GALNT17: variants seen among roughly 807,000 people sequenced by gnomAD.
The protein encoded by GALNT17 is UDP-GalNAc:polypeptide N-acetylgalactosaminyltransferase-like 3.
In GALNT17, 29 loss-of-function variants were observed where a neutral mutation model predicts 63.7. The ratio of observed to expected loss-of-function variants is 0.46; its 90% CI spans 0.34 to 0.62. The LOEUF (loss-of-function observed/expected upper bound fraction) is 0.62, where lower values mean the gene tolerates loss of function less well. GALNT17 is among the 20% of genes least tolerant of loss of function. The pLI, the probability that GALNT17 is intolerant of heterozygous loss-of-function variation, is 0.01. For synonymous variants in GALNT17, 305 were observed against 318.3 expected, an observed-to-expected ratio of 0.96 and a Z score of 0.45; for missense variants, 603 against 799.6, an observed-to-expected ratio of 0.75 and a Z score of 2.97.
At chr7:71,395,447 G>T (rs911496489) in intron 3 of GALNT17, among the ~76,000 whole-genome samples, 1 of 152,108 alleles carries the variant, frequency 6.6e-6, no homozygotes, top group African/African-American at 2.4e-5. Flanking sequence ...AATATTCTGA[G>T]TATAGATACA....
chr7:71,679,482 CCACTGTAA>C (rs1217659067), intron 9 of GALNT17, among the ~76,000 whole-genome samples: 1 of 152,190 alleles, frequency 6.6e-6, no homozygotes, highest in African/African-American at 2.4e-5. Context: ...ATGCTAGGCA[CCACTGTAA>C]CACAGGCAGC....
intron 5 of GALNT17, among the ~76,000 whole-genome samples, chr7:71,556,431 G>A (rs2116843210): frequency 6.6e-6 from 1 of 152,292 alleles, no homozygotes; most frequent in East Asian, 1.9e-4. Context: ...TGCAGATCCA[G>A]CCAACGGTTC....
chr7:71,489,665 C>T (rs1787973959), intron 5 of GALNT17, among the ~76,000 whole-genome samples: 2 of 152,238 alleles, frequency 1.3e-5, no homozygotes, highest in African/African-American at 4.8e-5. Context: ...TGGGATTTTA[C>T]TAGAGGCTTA....
chr7:71,571,409 G>A lies in GALNT17; in HGVS notation c.1080+7G>A, dbSNP rs753214526. The A allele has an allele frequency of 1.2e-6, 2 of 1,610,188 alleles. No homozygotes were observed. The highest frequency in any genetic ancestry group is 2.2e-5 in the East Asian group (1 of 44,836). On this transcript the variant is annotated splice_region_variant and intron_variant, in intron 6 of 10. Transcript: ENST00000333538. Reference sequence around the variant, plus strand: ...TATTGAACTGGGAATCAAGGTTTGTGACATGGTGTCCCTTCCTCTTGGTGT... The same window carrying A: ...TATTGAACTGGGAATCAAGGTTTGTAACATGGTGTCCCTTCCTCTTGGTGT...
chr7:71,621,791 G>A lies in GALNT17; in HGVS notation c.1081-43620G>A, dbSNP rs113679044. ...TTGATGCACCCTTTAATTCTTCATC[G>A]AAGGGTTCCCTTGGCCTCTCTTCCA... On this transcript the variant is annotated intron_variant, in intron 6 of 10. Coordinates refer to ENST00000333538, the MANE Select transcript of GALNT17 (RefSeq NM_022479.3). Among the ~76,000 whole-genome samples, 809 of 152,106 alleles carry A rather than the reference G, an allele frequency of 5.3e-3. 14 individuals carry two copies. Among genetic ancestry groups the A allele is most frequent in the African/African-American group, 0.018 (739 of 41,502 alleles).
intron 1 of GALNT17, among the ~76,000 whole-genome samples, chr7:71,202,742 G>A (rs28454261): frequency 0.027 from 4,054 of 152,100 alleles, 181 homozygotes; most frequent in African/African-American, 0.091. Context: ...TATCCCTCCC[G>A]TCAAACCGAA....
At chr7:71,287,088 TC>T (rs1477510625) in intron 1 of GALNT17, among the ~76,000 whole-genome samples, 13 of 151,674 alleles carry the variant, frequency 8.6e-5, no homozygotes, top group African/African-American at 3.2e-4. Context: ...GCTTTTAAGT[TC>T]CTTTTTGTTT....
At chr7:71,463,810 A>G (rs1787491591) in intron 5 of GALNT17, among the ~76,000 whole-genome samples, 3 of 152,222 alleles carry the variant, frequency 2.0e-5, no homozygotes, top group African/African-American at 7.2e-5. Flanking sequence ...TATAGTTAGC[A>G]TATAATGAGC....
At chr7:71,602,541 T>C (rs1205592294) in intron 6 of GALNT17, among the ~76,000 whole-genome samples, 1 of 152,224 alleles carries the variant, frequency 6.6e-6, no homozygotes, top group African/African-American at 2.4e-5. Flanking sequence ...CTCTACGTGT[T>C]ACTGTCTCTA....
chr7:71,341,162 C>T (rs1791998722), intron 2 of GALNT17, among the ~76,000 whole-genome samples: 1 of 152,050 alleles, frequency 6.6e-6, no homozygotes, highest in South Asian at 2.1e-4. Context: ...CCAGCTTGGG[C>T]AACATAGCAA....
At chr7:71,393,463 T>C (rs1029117569) in intron 3 of GALNT17, among the ~76,000 whole-genome samples, 11 of 152,202 alleles carry the variant, frequency 7.2e-5, no homozygotes, top group South Asian at 2.1e-4. Context: ...TTACCCTCTT[T>C]AATGCACATT....
At chr7:71,527,428 A>G (rs1788642118) in intron 5 of GALNT17, among the ~76,000 whole-genome samples, 1 of 152,162 alleles carries the variant, frequency 6.6e-6, no homozygotes, top group South Asian at 2.1e-4. Context: ...CTGGTATGTA[A>G]TTGAAAGGAG....
At chr7:71,544,124 CTTTTT>C (rs60144462) in intron 5 of GALNT17, among the ~76,000 whole-genome samples, 82 of 132,372 alleles carry the variant, frequency 6.2e-4, no homozygotes, top group Admixed American at 6.2e-4. Flanking sequence ...TTTCTTTTTT[CTTTTT>C]TTTTTTTTTT....
intron 1 of GALNT17, among the ~76,000 whole-genome samples, chr7:71,198,510 G>A (rs1415872193): frequency 6.6e-6 from 1 of 152,208 alleles, no homozygotes; most frequent in Non-Finnish European, 1.5e-5. Flanking sequence ...AAGTCTTTGA[G>A]CTTCCAGGAT....
intron 5 of GALNT17, among the ~76,000 whole-genome samples, chr7:71,548,215 C>T (rs1305030683): frequency 6.6e-6 from 1 of 150,868 alleles, no homozygotes; most frequent in Non-Finnish European, 1.5e-5. Flanking sequence ...CCACTCCAGC[C>T]TGGGCAACAG....
chr7:71,502,650 C>T (rs1788199640), intron 5 of GALNT17, among the ~76,000 whole-genome samples: 1 of 152,096 alleles, frequency 6.6e-6, no homozygotes, highest in Non-Finnish European at 1.5e-5. Context: ...GGTGTTTCAC[C>T]CTCACTGTTT....
intron 5 of GALNT17, among the ~76,000 whole-genome samples, chr7:71,487,859 G>A (rs1441648547): frequency 6.6e-6 from 1 of 152,054 alleles, no homozygotes; most frequent in Non-Finnish European, 1.5e-5. Flanking sequence ...ACATATAGGT[G>A]GCCAGCCATC....
At chr7:71,369,517 G>A (rs991946415) in intron 2 of GALNT17, among the ~76,000 whole-genome samples, 2 of 152,070 alleles carry the variant, frequency 1.3e-5, no homozygotes, top group South Asian at 4.1e-4. Flanking sequence ...AGGTTGAAAA[G>A]AATGAAAACT....
chr7:71,418,222 A>G (rs192144552), intron 4 of GALNT17, among the ~76,000 whole-genome samples: 124 of 152,256 alleles, frequency 8.1e-4, no homozygotes, highest in Middle Eastern at 3.4e-3. Flanking sequence ...TCCACCTATC[A>G]TCTAATTCTC....
Sources: allele counts gnomAD v4.1 joint callset (sites outside exome capture counted in the v4.1 genomes callset), GRCh38; gene constraint gnomAD v4.1.1; transcripts MANE v1.5; gene names NCBI Gene and HGNC (gene_info 2026-07-23, HGNC 2026-07-21).